The following DNAH17 variants were observed in gnomAD, a reference collection of about 807,000 sequenced individuals.
DNAH17 encodes dynein axonemal heavy chain 17, also known as axonemal beta dynein heavy chain 17.
A neutral mutation model predicts 485.6 loss-of-function variants in DNAH17; 376 were observed. That is an observed-to-expected ratio of 0.77 (90% CI 0.71 to 0.84). The LOEUF (loss-of-function observed/expected upper bound fraction) is 0.84. DNAH17 is among the 40% of genes least tolerant of loss of function. The pLI, the probability that DNAH17 is intolerant of heterozygous loss-of-function variation, is 0.00. For synonymous variants in DNAH17, 3,031 were observed against 2,405.9 expected (o/e 1.26, Z -7.60); for missense variants, 6,370 against 5,839.3 (o/e 1.09, Z -2.96).
At chr17:78,528,404 G>T (rs966106946) in intron 22 of DNAH17, among the ~76,000 whole-genome samples, 9 of 152,084 alleles carry the variant, frequency 5.9e-5, no homozygotes, top group Non-Finnish European at 1.3e-4. Flanking sequence ...ACAGGTGTGC[G>T]CCACCATGCC....
intron 75 of DNAH17, among the ~76,000 whole-genome samples, chr17:78,432,910 C>CCCCCCCA (rs1555650523): frequency 2.4e-5 from 3 of 124,066 alleles, no homozygotes; most frequent in African/African-American, 9.7e-5. Context: ...GTGCCCCCCC[C>CCCCCCCA]CCCCGACCCC....
chr17:78,527,333 GCAAGATTGTA>G (rs1321567418), intron 22 of DNAH17, among the ~76,000 whole-genome samples: 2 of 152,114 alleles, frequency 1.3e-5, no homozygotes, highest in East Asian at 3.8e-4. Flanking sequence ...GCTACTGTGA[GCAAGATTGTA>G]CCACTGCACT....
chr17:78,434,332 G>A, intron 74 of DNAH17, 112 bp from the exon 75 acceptor site: 2 of 1,021,758 alleles, frequency 2.0e-6, no homozygotes, highest in Non-Finnish European at 2.8e-6. Context: ...TAGGGTGGGG[G>A]CGGTGGGGGG....
chr17:78,472,066 G>A (rs1400948535), intron 54 of DNAH17, among the ~76,000 whole-genome samples: 7 of 152,182 alleles, frequency 4.6e-5, no homozygotes, highest in Non-Finnish European at 1.0e-4. Context: ...ATCGTCACCT[G>A]TATCTAGGCC....
rs377016460 is a variant in DNAH17 at position 78,423,924 on chromosome 17, C to T, written c.13371G>A (p.Ala4457=). Residue 4457 remains alanine (A), a synonymous_variant, in exon 81 of 81, where the codon GCG becomes GCA. Coordinates refer to ENST00000389840, the MANE Select transcript of DNAH17 (RefSeq NM_173628.4). ...KAAKWILAAV[A]LLLQV The stretch of plus-strand genomic sequence containing the variant: ...GAGCGAGCTAAACCTGTAGGAGCAG[C>T]GCCACGGCTGCCAGGATCCACTTCG... 112 of 1,613,936 alleles carry T rather than the reference C, an allele frequency of 6.9e-5. No homozygotes were observed. The African/African-American group carries it at 9.1e-4, about 13-fold the overall frequency.
At chr17:78,553,156 C>T (rs993724744) in intron 14 of DNAH17, among the ~76,000 whole-genome samples, 10 of 152,128 alleles carry the variant, frequency 6.6e-5, no homozygotes, top group Admixed American at 2.0e-4. Context: ...CTTCACCTTC[C>T]ACCATGATTC....
chr17:78,550,952 C>A (rs2091888802), intron 16 of DNAH17, among the ~76,000 whole-genome samples: 1 of 152,166 alleles, frequency 6.6e-6, no homozygotes, highest in Non-Finnish European at 1.5e-5. Context: ...GATGCGGTGG[C>A]TCACGCCTGT....
chr17:78,475,761 T>C lies in DNAH17; in HGVS notation c.8227A>G (p.Lys2743Glu), dbSNP rs1203764283. 6.2e-6 allele frequency: 10 copies of C among 1,613,918 alleles called. No homozygotes were observed. Among genetic ancestry groups the C allele is most frequent in the Non-Finnish European group, 8.5e-6 (10 of 1,179,874 alleles). The change falls in exon 53 of 81, where the codon AAA becomes GAA. Residue 2743 changes from lysine to glutamate, a missense_variant. Transcript: ENST00000389840. ...CHFAQGIGDP[K>E]YVPVTDMAPL... ...GCCATGTCGGTTACAGGAACATATT[T>C]GGGATCGCCAATCCCTTGAGCAAAG...
chr17:78,459,879 C>T lies in DNAH17; in HGVS notation c.9558G>A (p.Ala3186=), dbSNP rs376694280. 2.6e-5 allele frequency: 42 copies of T among 1,613,918 alleles called. No homozygotes were observed. The highest frequency in any genetic ancestry group is 2.1e-4 in the South Asian group (19 of 91,092). The change falls in exon 60 of 81, where the codon GCG becomes GCA. Residue 3186 remains alanine (A), a synonymous_variant. Coordinates refer to ENST00000389840, the MANE Select transcript of DNAH17 (RefSeq NM_173628.4). ...CCACCTTGCCCATCATGATCTTGGC[C>T]GCCTTCCAGCTCTTGTCCTTGGGGA... ...GKIPKDKSWK[A]AKIMMGKVDT...
chr17:78,425,234 C>T, intron 80 of DNAH17, 112 bp downstream of exon 80: 1 of 1,083,070 alleles, frequency 9.2e-7, no homozygotes, highest in Non-Finnish European at 1.3e-6. Flanking sequence ...TCTCTCCTGC[C>T]TGTCCCCACA....
In DNAH17 at chr17:78,506,671, T is replaced by C. The variant is rs968158434; in HGVS notation, c.4803+49A>G. ...TTGAGGTAGAGGTGCCCACCTGGGG[T>C]CTGGCATGATGTTGGCTTAAACACC... On this transcript the variant is annotated intron_variant, in intron 30 of 80. Transcript: ENST00000389840. 4.3e-6 allele frequency: 7 copies of C among 1,611,224 alleles called. No homozygotes were observed. In the African/African-American group the frequency reaches 9.4e-5, roughly 22 times the overall value.
intron 16 of DNAH17, among the ~76,000 whole-genome samples, chr17:78,547,926 C>T (rs2091808690): frequency 6.6e-6 from 1 of 152,084 alleles, no homozygotes; most frequent in African/African-American, 2.4e-5. Context: ...CCTATTACTT[C>T]TTTAGTAACA....
At chr17:78,574,254 T>C (rs7208640) in intron 2 of DNAH17, among the ~76,000 whole-genome samples, 30,868 of 151,788 alleles carry the variant, frequency 0.2, 4,094 homozygotes, top group East Asian at 0.54. Context: ...GTTTGGGAGG[T>C]TGAGGCAGGA....
At chr17:78,558,483 ATGGG>A (rs1408134664) in intron 13 of DNAH17, among the ~76,000 whole-genome samples, 1 of 147,786 alleles carries the variant, frequency 6.8e-6, no homozygotes, top group Admixed American at 6.6e-5. Context: ...CATCACCCTC[ATGGG>A]TGGATGACAT....
Position 78,574,704 on chromosome 17 carries a change from C to A in DNAH17, c.345+9G>T, listed in dbSNP as rs183559801. On this transcript the variant is annotated intron_variant, in intron 2 of 80. Transcript: ENST00000389840. The stretch of plus-strand genomic sequence containing the variant: ...TCGACACCCCGGATGGCAGCCTGGA[C>A]GCACTCACCTCCTCCACCACCGCGA... The A allele has an allele frequency of 6.3e-7, 1 of 1,586,540 alleles. No homozygotes were observed. The highest frequency in any genetic ancestry group is 1.8e-4 in the Middle Eastern group (1 of 5,418).
chr17:78,441,496 G>A (rs78489982), intron 71 of DNAH17, among the ~76,000 whole-genome samples: 12,339 of 152,232 alleles, frequency 0.081, 556 homozygotes, highest in Middle Eastern at 0.12. Flanking sequence ...GGTCAACTGC[G>A]GGGGGTGGGG....
At position 78,437,752 on chromosome 17, in the gene DNAH17, G is replaced by A. The variant is rs145320020; in HGVS notation, c.11922C>T (p.Pro3974=). The A allele has an allele frequency of 2.5e-5, 41 of 1,612,508 alleles. No homozygotes were observed. The Admixed American group carries it at 3.8e-4, about 15-fold the overall frequency. Residue 3974 remains proline, a synonymous_variant, in exon 74 of 81, where the codon CCC becomes CCT. Coordinates refer to ENST00000389840, the MANE Select transcript of DNAH17 (RefSeq NM_173628.4). ...TGCCCTGGGGGATGATGTGGGTCTC[G>A]GGGCTGGGGGCAGGCTCCGCGCTGA... is the stretch of plus-strand genomic sequence containing the variant. ...VFISAEPAPS[P]ETHIIPQGIL...
At chr17:78,438,423 A>AAAAG (rs2086925252) in intron 73 of DNAH17, among the ~76,000 whole-genome samples, 1 of 1,702 alleles carries the variant, frequency 5.9e-4, no homozygotes. Flanking sequence ...CCAAGTGAGG[A>AAAAG]GAAGGAGGAG....
At chr17:78,433,923 A>AGGACGGAGGGAGGGAAGGAGGGAG in intron 75 of DNAH17, 106 bp downstream of exon 75, 3 of 553,064 alleles carry the variant, frequency 5.4e-6, no homozygotes, top group East Asian at 3.6e-5. Context: ...AAGGGAGGGA[A>AGGACGGAGGGAGGGAAGGAGGGAG]GGAAGGAGGG....
Sources: gnomAD v4.1 joint callset for allele counts (sites outside exome capture counted in the v4.1 genomes callset) on GRCh38, gnomAD v4.1.1 for gene constraint, MANE v1.5 for transcripts, NCBI Gene and HGNC (gene_info 2026-07-23, HGNC 2026-07-21) for gene names.